KTN1: variants seen among roughly 807,000 people sequenced by gnomAD.
The protein encoded by KTN1 is kinectin 1.
In KTN1, 130 loss-of-function variants were observed where a neutral mutation model predicts 222.5. That is an observed-to-expected ratio of 0.58 (90% CI 0.51 to 0.68). The LOEUF is 0.68. KTN1 is among the 30% of genes least tolerant of loss of function. The pLI, the probability that KTN1 is intolerant of heterozygous loss-of-function variation, is 0.00. For missense variants in KTN1, 1,508 were observed against 1,500.4 expected (o/e 1.01, Z -0.08); for synonymous variants, 512 against 496.3 (o/e 1.03, Z -0.42).
intron 18 of KTN1, among the ~76,000 whole-genome samples, chr14:55,645,395 T>C (rs1433913680): frequency 6.6e-6 from 1 of 152,166 alleles, no homozygotes; most frequent in Non-Finnish European, 1.5e-5. Context: ...AGCATGTGGG[T>C]AAGCCACTAA....
intron 43 of KTN1, chr14:55,682,922 A>G (rs534406795): frequency 1.3e-5 from 2 of 151,736 alleles, no homozygotes; most frequent in East Asian, 1.9e-4. Context: ...CCTAAAGTTG[A>G]TATTTGGTTT....
Position 55,648,878 on chromosome 14 carries a change from A to G in KTN1, c.2367+8A>G. 2 of 1,510,832 alleles carry G rather than the reference A, an allele frequency of 1.3e-6. No individual in the cohort carries two copies. Among genetic ancestry groups the G allele is most frequent in the Non-Finnish European group, 1.8e-6 (2 of 1,092,164 alleles). 93.6% of individuals were successfully genotyped at this position (1,510,832 alleles called of 1,614,324 possible). ...GCTAAGCAAAATGATCAGGTAATGT[A>G]AATTTTTACAACTGTTCTTTGTCTC... On this transcript the variant is annotated splice_region_variant and intron_variant, in intron 21 of 43. Transcript: ENST00000395314.
intron 1 of KTN1, among the ~76,000 whole-genome samples, chr14:55,604,492 TTAAA>T (rs1422031667): frequency 2.6e-5 from 4 of 152,142 alleles, no homozygotes; most frequent in Non-Finnish European, 4.4e-5. Context: ...TTAAAAAAAA[TTAAA>T]TAAAATTTAA....
intron 24 of KTN1, 51 bp from the exon 25 acceptor site, chr14:55,651,839 A>T: frequency 8.5e-7 from 1 of 1,177,434 alleles, no homozygotes; most frequent in Non-Finnish European, 1.2e-6. Context: ...AAAGCTTAAT[A>T]AGTTAAATTG....
At chr14:55,644,237 T>A in intron 18 of KTN1, 2 of 419,392 alleles carry the variant, frequency 4.8e-6, no homozygotes, top group Non-Finnish European at 8.8e-6. Flanking sequence ...TCATTTCCAC[T>A]TTTCTTTAAC....
intron 1 of KTN1, among the ~76,000 whole-genome samples, chr14:55,600,651 G>A (rs965415933): frequency 1.9e-4 from 29 of 151,150 alleles, no homozygotes; most frequent in Admixed American, 1.6e-3. Context: ...GGAAAAGCAG[G>A]TCAAGATGGT....
At chr14:55,640,472 C>A (rs1333762532) in intron 15 of KTN1, 30 bp downstream of exon 15, 6 of 1,487,250 alleles carry the variant, frequency 4.0e-6, no homozygotes, top group Non-Finnish European at 5.5e-6. Context: ...GAGCATTGAT[C>A]TCAGAATTTC....
intron 5 of KTN1, among the ~76,000 whole-genome samples, chr14:55,622,884 T>A (rs1169584100): frequency 6.6e-6 from 1 of 152,270 alleles, no homozygotes; most frequent in African/African-American, 2.4e-5. Context: ...GTCTATGTCC[T>A]GCCTCTCTCT....
chr14:55,674,587 T>C (rs1451217992), intron 40 of KTN1: 2 of 152,188 alleles, frequency 1.3e-5, no homozygotes, highest in Non-Finnish European at 2.9e-5. Flanking sequence ...TGATATGTCA[T>C]GGCTATAAGT....
intron 1 of KTN1, among the ~76,000 whole-genome samples, chr14:55,592,374 T>A (rs2034296651): frequency 1.3e-5 from 2 of 152,242 alleles, no homozygotes; most frequent in African/African-American, 2.4e-5. Flanking sequence ...AATAATACTT[T>A]GACAGTATGG....
At chr14:55,673,485 A>C in intron 40 of KTN1, 1 of 336,350 alleles carries the variant, frequency 3.0e-6, no homozygotes, top group East Asian at 4.6e-5. Context: ...TTGGCTTCCA[A>C]CTCTTTTTCA....
chr14:55,604,742 T>C (rs2036492432), intron 1 of KTN1, among the ~76,000 whole-genome samples: 1 of 151,922 alleles, frequency 6.6e-6, no homozygotes, highest in South Asian at 2.1e-4. Flanking sequence ...TAAAGACTAT[T>C]GTGGAAGAGA....
At chr14:55,589,475 AAT>A (rs2033685706) in intron 1 of KTN1, among the ~76,000 whole-genome samples, 1 of 151,438 alleles carries the variant, frequency 6.6e-6, no homozygotes, top group Non-Finnish European at 1.5e-5. Flanking sequence ...AAATCTCGCT[AAT>A]ATTTGTATTT....
intron 1 of KTN1, among the ~76,000 whole-genome samples, chr14:55,583,401 A>G (rs1290897118): frequency 1.3e-5 from 2 of 152,176 alleles, no homozygotes; most frequent in Non-Finnish European, 2.9e-5. Flanking sequence ...ATTCCTCGGA[A>G]ATGTAGAAGA....
chr14:55,656,884 G>T (rs554027468), intron 29 of KTN1, among the ~76,000 whole-genome samples: 1 of 152,246 alleles, frequency 6.6e-6, no homozygotes, highest in East Asian at 1.9e-4. Flanking sequence ...ACTTTTACTA[G>T]TGTTATCTGT....
At chr14:55,662,599 A>C (rs902434688) in intron 32 of KTN1, among the ~76,000 whole-genome samples, 4 of 152,200 alleles carry the variant, frequency 2.6e-5, no homozygotes, top group African/African-American at 9.7e-5. Context: ...CTAGAGAAGA[A>C]ATTTTTGTAC....
chr14:55,607,526 T>G (rs1169250848), intron 1 of KTN1: 1 of 152,188 alleles, frequency 6.6e-6, no homozygotes, highest in Non-Finnish European at 1.5e-5. Context: ...CTTGAAAGAT[T>G]TATGTCCGAG....
intron 5 of KTN1, among the ~76,000 whole-genome samples, chr14:55,625,252 A>G (rs1594920880): frequency 7.7e-6 from 1 of 129,888 alleles, no homozygotes; most frequent in South Asian, 2.6e-4. Flanking sequence ...GTTAGGTGCT[A>G]TAAATAGCAT....
intron 33 of KTN1, among the ~76,000 whole-genome samples, chr14:55,664,425 A>G (rs1044381200): frequency 6.6e-6 from 1 of 152,146 alleles, no homozygotes; most frequent in Non-Finnish European, 1.5e-5. Flanking sequence ...GCCATAAACT[A>G]CGTGTTTTGG....
Sources: gnomAD v4.1 joint callset for allele counts (sites outside exome capture counted in the v4.1 genomes callset) on GRCh38, gnomAD v4.1.1 for gene constraint, MANE v1.5 for transcripts, NCBI Gene and HGNC (gene_info 2026-07-23, HGNC 2026-07-21) for gene names.